The following POLR1C variants were observed in gnomAD, a reference collection of about 807,000 sequenced individuals.
POLR1C encodes the protein DNA-directed RNA polymerases I and III subunit RPAC1.
A neutral mutation model predicts 38.3 loss-of-function variants in POLR1C; 42 were observed. The observed-to-expected ratio is 1.10, with a 90% CI of 0.86 to 1.42. POLR1C has a LOEUF of 1.42. Ranked by LOEUF, POLR1C falls within the 40% of genes most tolerant of loss-of-function variation. POLR1C has a pLI of 0.00. For missense variants in POLR1C, 507 were observed against 450.5 expected (o/e 1.13, Z -1.14); for synonymous variants, 163 against 163.9 (o/e 0.99, Z 0.04).
intron 9 of POLR1C, among the ~76,000 whole-genome samples, chr6:43,542,706 G>A (rs1263233963): frequency 5.9e-5 from 9 of 152,110 alleles, no homozygotes; most frequent in African/African-American, 9.7e-5. Flanking sequence ...GATTACAGGC[G>A]TGAGCCACTG....
At chr6:43,533,823 T>A, downstream of POLR1C, 1 of 1,029,500 alleles carries the variant, frequency 9.7e-7, no homozygotes, top group Non-Finnish European at 1.4e-6. Flanking sequence ...TGACAGAGAC[T>A]ATGACTCTTA....
chr6:43,546,661 A>G, intron 9 of POLR1C: 1 of 1,613,880 alleles, frequency 6.2e-7, no homozygotes, highest in Non-Finnish European at 8.5e-7. Context: ...TGTATAACCC[A>G]CCACAAATCC....
At chr6:43,528,908 G>A (rs1561864716) in intron 8 of POLR1C, 1 of 1,613,200 alleles carries the variant, frequency 6.2e-7, no homozygotes, top group African/African-American at 1.3e-5. Flanking sequence ...AAGAGCACCA[G>A]AGGCTTTACA....
intron 10 of POLR1C, chr6:43,560,098 C>T (rs567933734): frequency 3.4e-5 from 51 of 1,502,798 alleles, no homozygotes; most frequent in Non-Finnish European, 3.8e-5. Context: ...GGATTATAGG[C>T]GTGAGCCACC....
At chr6:43,556,090 T>C (rs1762070257) in intron 10 of POLR1C, 1 of 1,288,782 alleles carries the variant, frequency 7.8e-7, no homozygotes, top group Non-Finnish European at 1.1e-6. Flanking sequence ...AGACTTGTGC[T>C]TTGCATGTAA....
At chr6:43,534,884 G>A (rs776726678) in intron 9 of POLR1C, among the ~76,000 whole-genome samples, 26 of 152,054 alleles carry the variant, frequency 1.7e-4, no homozygotes, top group Non-Finnish European at 3.4e-4. Flanking sequence ...TGTAATCCCA[G>A]TTACTTGGGA....
chr6:43,560,191 G>A, intron 10 of POLR1C: 1 of 1,612,748 alleles, frequency 6.2e-7, no homozygotes, highest in Non-Finnish European at 8.5e-7. Context: ...GACCAAGTTA[G>A]TCATGGAAGC....
chr6:43,522,115 GCAGC>G (rs140945487), downstream of POLR1C, among the ~76,000 whole-genome samples: 1,897 of 152,302 alleles, frequency 0.012, 39 homozygotes, highest in African/African-American at 0.044. Flanking sequence ...GCCAGGCCCA[GCAGC>G]CACACACGAA....
At chr6:43,540,289 C>T (rs940992290) in intron 9 of POLR1C, among the ~76,000 whole-genome samples, 1 of 152,172 alleles carries the variant, frequency 6.6e-6, no homozygotes, top group African/African-American at 2.4e-5. Flanking sequence ...ATCATCCTGG[C>T]TAATACGGTG....
At chr6:43,534,089 TAC>T, downstream of POLR1C, 1 of 1,084,062 alleles carries the variant, frequency 9.2e-7, no homozygotes, top group Non-Finnish European at 1.4e-6. Flanking sequence ...CCAGTGATAC[TAC>T]AGTTTCACAC....
chr6:43,528,431 G>C (rs1271245265), intron 8 of POLR1C, among the ~76,000 whole-genome samples: 1 of 151,948 alleles, frequency 6.6e-6, no homozygotes, highest in Non-Finnish European at 1.5e-5. Context: ...TCTTTGCTTG[G>C]AAAGAATTAA....
intron 2 of POLR1C, among the ~76,000 whole-genome samples, chr6:43,518,626 A>G (rs955188827): frequency 1.6e-4 from 25 of 152,218 alleles, no homozygotes; most frequent in Admixed American, 9.8e-4. Flanking sequence ...CGATCATCAG[A>G]GAAGGAAGAA....
At chr6:43,555,304 T>C (rs1209322032) in intron 10 of POLR1C, 1 of 152,238 alleles carries the variant, frequency 6.6e-6, no homozygotes, top group Non-Finnish European at 1.5e-5. Flanking sequence ...ACAAAACATT[T>C]GGAGTACAGA....
At chr6:43,519,544 C>T (rs1340699698) in intron 3 of POLR1C, 104 bp downstream of exon 3, 5 of 1,402,098 alleles carry the variant, frequency 3.6e-6, no homozygotes, top group Non-Finnish European at 4.0e-6. Flanking sequence ...CCTTAATTTT[C>T]CTGGAATTTT....
chr6:43,555,317 AG>A (rs1331944362), intron 10 of POLR1C: 2 of 153,174 alleles, frequency 1.3e-5, no homozygotes, highest in African/African-American at 4.8e-5. Flanking sequence ...AGTACAGAGA[AG>A]TTAACTGGCT....
downstream of POLR1C, chr6:43,523,977 T>G: frequency 6.2e-7 from 1 of 1,613,768 alleles, no homozygotes; most frequent in Non-Finnish European, 8.5e-7. Context: ...AATGTGAACT[T>G]CTTTTCGGAA....
intron 9 of POLR1C, chr6:43,549,535 C>T (rs1412106978): frequency 1.2e-6 from 2 of 1,613,264 alleles, no homozygotes; most frequent in Admixed American, 1.7e-5. Flanking sequence ...GATGGAGGAA[C>T]AAGCATGCCT....
chr6:43,557,783 TA>T (rs59661301), intron 10 of POLR1C, among the ~76,000 whole-genome samples: 51,679 of 86,938 alleles, frequency 0.59, 15,863 homozygotes, highest in East Asian at 0.7. Context: ...AATAAAGCTG[TA>T]AAAAAAAAAA....
chr6:43,524,406 A>T, downstream of POLR1C: 1 of 1,530,826 alleles, frequency 6.5e-7, no homozygotes, highest in South Asian at 1.2e-5. Context: ...CAGCTGGTTT[A>T]TGGTTTGCCC....
Sources: allele counts gnomAD v4.1 joint callset (sites outside exome capture counted in the v4.1 genomes callset), GRCh38; gene constraint gnomAD v4.1.1; transcripts MANE v1.5; gene names NCBI Gene and HGNC (gene_info 2026-07-23, HGNC 2026-07-21).